The following ERO1B variants were observed in gnomAD, a reference collection of about 807,000 sequenced individuals.
ERO1B encodes the protein ERO1-like protein beta.
A neutral mutation model predicts 75.3 loss-of-function variants in ERO1B; 49 were observed. That is an observed-to-expected ratio of 0.65 (90% CI 0.52 to 0.83). The LOEUF (loss-of-function observed/expected upper bound fraction) is 0.83, where lower values mean the gene tolerates loss of function less well. Among genes scored for constraint, ERO1B ranks in the 40% least tolerant of loss-of-function variants. The probability of loss-of-function intolerance (pLI) is 0.00; values close to 1 mark genes in which losing one functional copy is unlikely to be tolerated. For missense variants in ERO1B, 512 were observed against 560.1 expected, an observed-to-expected ratio of 0.91 and a Z score of 0.87; for synonymous variants, 191 against 192.9, an observed-to-expected ratio of 0.99 and a Z score of 0.08.
In ERO1B at chr1:236,274,354, C is replaced by T. The variant is rs539222563; in HGVS notation, c.103-4360G>A. On this transcript the variant is annotated intron_variant, in intron 1 of 15. Coordinates refer to ENST00000354619, the MANE Select transcript of ERO1B (RefSeq NM_019891.4). ...CAATCTAGTTAGCATGAAAGATTATCTTTTTTCTTATTTGCACTAAGAAGG... is the reference window on the plus strand; with the variant it reads ...CAATCTAGTTAGCATGAAAGATTATTTTTTTTCTTATTTGCACTAAGAAGG... 2.0e-5 allele frequency among the ~76,000 whole-genome samples: 3 copies of T among 152,148 alleles called. No homozygotes were observed. In the South Asian group the frequency reaches 6.2e-4, roughly 32 times the overall value.
At position 236,232,827 on chromosome 1, in the gene ERO1B, C is replaced by T. The variant is rs1386220203; in HGVS notation, c.685+1G>A. 1.9e-6 allele frequency: 3 copies of T among 1,595,898 alleles called. No individual in the cohort carries two copies. Among genetic ancestry groups the T allele is most frequent in the Non-Finnish European group, 2.6e-6 (3 of 1,171,004 alleles). ...AACAAACAAACATGAGTTTTGCTCA[C>T]CATCATCTTCGCCTAAAAGAGAAAA... On this transcript the variant is annotated splice_donor_variant, in intron 9 of 15. Coordinates refer to ENST00000354619, the MANE Select transcript of ERO1B (RefSeq NM_019891.4). LOFTEE classifies it high-confidence loss of function.
intron 6 of ERO1B, among the ~76,000 whole-genome samples, chr1:236,241,058 A>G (rs1664685368): frequency 6.6e-6 from 1 of 152,112 alleles, no homozygotes; most frequent in Non-Finnish European, 1.5e-5. Flanking sequence ...AATTATTTTA[A>G]AAACTACTAT....
chr1:236,256,140 T>C (rs534984263), intron 2 of ERO1B, among the ~76,000 whole-genome samples: 2 of 152,082 alleles, frequency 1.3e-5, no homozygotes, highest in Non-Finnish European at 2.9e-5. Context: ...TGGAAAAAGG[T>C]TGGAGGCCTC....
chr1:236,274,390 A>T (rs1252214384), intron 1 of ERO1B, among the ~76,000 whole-genome samples: 1 of 152,190 alleles, frequency 6.6e-6, no homozygotes, highest in African/African-American at 2.4e-5. Context: ...TACAATGTTC[A>T]TATGTTTTAT....
At chr1:236,231,316 A>C (rs1460144184) in intron 9 of ERO1B, among the ~76,000 whole-genome samples, 1 of 152,158 alleles carries the variant, frequency 6.6e-6, no homozygotes, top group Admixed American at 6.5e-5. Flanking sequence ...ATTTCAGTTA[A>C]AGAAATGCAG....
At chr1:236,251,737 G>A (rs1329967660) in intron 4 of ERO1B, among the ~76,000 whole-genome samples, 1 of 152,124 alleles carries the variant, frequency 6.6e-6, no homozygotes, top group Admixed American at 6.5e-5. Flanking sequence ...GAACCTGCCA[G>A]GCTAACTAGT....
chr1:236,257,801 C>G (rs1355405981), intron 2 of ERO1B, among the ~76,000 whole-genome samples: 1 of 150,470 alleles, frequency 6.6e-6, no homozygotes, highest in African/African-American at 2.4e-5. Context: ...GTAGAGGGGT[C>G]CAACAGCAGA....
At chr1:236,248,633 A>T (rs2695064) in intron 5 of ERO1B, among the ~76,000 whole-genome samples, 48,019 of 151,912 alleles carry the variant, frequency 0.32, 8,196 homozygotes, top group East Asian at 0.77. Flanking sequence ...TGAAAAATGT[A>T]GCAGAATGTT....
At position 236,268,755 on chromosome 1, in the gene ERO1B, A is replaced by G. The variant is rs546465918; in HGVS notation, c.222+1120T>C. ...CAAAATATTAGCCGTGCGTGGTGGCAGGTGCCTGTAGTCCCAGCTACTCGG... is the reference window on the plus strand; with the variant it reads ...CAAAATATTAGCCGTGCGTGGTGGCGGGTGCCTGTAGTCCCAGCTACTCGG... On this transcript the variant is annotated intron_variant, in intron 2 of 15. Transcript: ENST00000354619. Among the ~76,000 whole-genome samples the G allele has an allele frequency of 6.3e-4, 95 of 151,124 alleles. 1 individual carries two copies. Among genetic ancestry groups the G allele is most frequent in the Non-Finnish European group, 9.5e-4 (64 of 67,684 alleles).
chr1:236,216,692 G>C lies in ERO1B; in HGVS notation c.*1824C>G, dbSNP rs1429632605. The C allele has an allele frequency of 6.6e-6, 1 of 151,962 alleles. No homozygotes were observed. Among genetic ancestry groups the C allele is most frequent in the Non-Finnish European group, 1.5e-5 (1 of 67,932 alleles). The allele number at this position is 151,962 out of a possible 1,614,324, so 9.4% of individuals were successfully genotyped here. On this transcript the variant is annotated 3_prime_UTR_variant, in exon 16 of 16. Transcript: ENST00000354619. ...AGTTTAAATAATAGCCTTTAACTGA[G>C]GGAGTGGTGAAATAACACTATCAAA...
intron 13 of ERO1B, 114 bp downstream of exon 13, chr1:236,224,956 A>T: frequency 1.0e-6 from 1 of 966,300 alleles, no homozygotes; most frequent in Non-Finnish European, 1.7e-6. Context: ...ATCCAATCAG[A>T]CCAACTCTGA....
chr1:236,273,553 A>T lies in ERO1B; in HGVS notation c.103-3559T>A, dbSNP rs145604840. 2.0e-5 allele frequency among the ~76,000 whole-genome samples: 3 copies of T among 152,216 alleles called. No individual in the cohort carries two copies. In the East Asian group the frequency reaches 5.8e-4, roughly 29 times the overall value. On this transcript the variant is annotated intron_variant, in intron 1 of 15. Coordinates refer to ENST00000354619, the MANE Select transcript of ERO1B (RefSeq NM_019891.4). ...AGTTTCTCCAGGTTGGGCCAGGCAC[A>T]ATGACTCACACCTGTAATCTTAGCA...
intron 13 of ERO1B, among the ~76,000 whole-genome samples, chr1:236,222,334 A>G (rs1664171050): frequency 6.6e-6 from 1 of 152,092 alleles, no homozygotes; most frequent in South Asian, 2.1e-4. Context: ...GCTGGTCTTG[A>G]ACTCCTGGCC....
At chr1:236,240,366 TGC>T (rs1664670384) in intron 6 of ERO1B, among the ~76,000 whole-genome samples, 1 of 152,176 alleles carries the variant, frequency 6.6e-6, no homozygotes, top group African/African-American at 2.4e-5. Context: ...CAACTTAGTG[TGC>T]AAGCTCTTTG....
intron 1 of ERO1B, among the ~76,000 whole-genome samples, chr1:236,278,884 CTT>C (rs1665764004): frequency 6.6e-6 from 1 of 152,162 alleles, no homozygotes; most frequent in African/African-American, 2.4e-5. Context: ...CCTTTAATGA[CTT>C]TGATTTCTTG....
intron 2 of ERO1B, chr1:236,267,976 A>G (rs1167138867): frequency 2.0e-5 from 3 of 152,174 alleles, no homozygotes; most frequent in Non-Finnish European, 4.4e-5. Flanking sequence ...AAAAAAAAAA[A>G]ATGAAAGAAG....
chr1:236,229,238 AAC>A (rs1664343798), intron 10 of ERO1B, among the ~76,000 whole-genome samples: 1 of 152,126 alleles, frequency 6.6e-6, no homozygotes, highest in Admixed American at 6.6e-5. Context: ...CAGCCTGGCC[AAC>A]ACGGCGAAAC....
At chr1:236,274,744 G>GAA (rs35953226) in intron 1 of ERO1B, among the ~76,000 whole-genome samples, 9 of 136,210 alleles carry the variant, frequency 6.6e-5, no homozygotes, top group South Asian at 2.3e-4. Flanking sequence ...AAAATTAGAA[G>GAA]AAAAAAAAAA....
intron 1 of ERO1B, among the ~76,000 whole-genome samples, chr1:236,279,254 G>A (rs965473258): frequency 6.6e-6 from 1 of 152,120 alleles, no homozygotes; most frequent in Non-Finnish European, 1.5e-5. Context: ...TGTAATCCCA[G>A]CACTTTGGGA....
Sources: gnomAD v4.1 joint callset for allele counts (sites outside exome capture counted in the v4.1 genomes callset) on GRCh38, gnomAD v4.1.1 for gene constraint, MANE v1.5 for transcripts, NCBI Gene and HGNC (gene_info 2026-07-23, HGNC 2026-07-21) for gene names.